The following MTPN variants were observed in gnomAD, a reference collection of about 807,000 sequenced individuals.
The protein encoded by MTPN is myotrophin, also known as granule cell differentiation protein.
In MTPN, 2 loss-of-function variants were observed where a neutral mutation model predicts 13.5. The ratio of observed to expected loss-of-function variants is 0.15; its 90% CI spans 0.06 to 0.47. The LOEUF (loss-of-function observed/expected upper bound fraction) is 0.47, where lower values mean the gene tolerates loss of function less well. MTPN is among the 20% of genes least tolerant of loss of function. The pLI is 0.97. For missense variants in MTPN, 79 were observed against 137.9 expected (o/e 0.57, Z 2.14); for synonymous variants, 46 against 51.7 (o/e 0.89, Z 0.48).
chr7:135,970,704 T>C (rs993062619), intron 1 of MTPN, among the ~76,000 whole-genome samples: 1 of 152,184 alleles, frequency 6.6e-6, no homozygotes, highest in African/African-American at 2.4e-5. Context: ...ATAGCCTATG[T>C]ACATCTGAAT....
intron 2 of MTPN, 32 bp downstream of exon 2, chr7:135,951,485 T>C (rs1799363243): frequency 6.7e-7 from 1 of 1,485,934 alleles, no homozygotes; most frequent in Non-Finnish European, 9.2e-7. Flanking sequence ...TAACAGAAAA[T>C]TTTTTCAAGA....
At chr7:135,940,998 C>T (rs911554477) in intron 3 of MTPN, among the ~76,000 whole-genome samples, 5 of 152,272 alleles carry the variant, frequency 3.3e-5, no homozygotes, top group African/African-American at 1.2e-4. Flanking sequence ...GCTGCTTTTG[C>T]ATCACAGTGG....
intron 3 of MTPN, among the ~76,000 whole-genome samples, chr7:135,931,185 T>C (rs1799015694): frequency 6.6e-6 from 1 of 152,130 alleles, no homozygotes; most frequent in Non-Finnish European, 1.5e-5. Context: ...AATATGCGCA[T>C]ACTGTGTAAA....
intron 1 of MTPN, among the ~76,000 whole-genome samples, chr7:135,960,357 A>C (rs1799502624): frequency 1.3e-5 from 2 of 152,184 alleles, no homozygotes; most frequent in Middle Eastern, 6.8e-3. Flanking sequence ...ATGTTTTTTT[A>C]AACAATGTAA....
intron 1 of MTPN, among the ~76,000 whole-genome samples, chr7:135,963,787 AT>A (rs1004758007): frequency 6.6e-6 from 1 of 151,900 alleles, no homozygotes; most frequent in South Asian, 2.1e-4. Flanking sequence ...CAACTTAGGC[AT>A]TTTTTTCTTT....
chr7:135,942,041 G>A (rs7796396), intron 3 of MTPN, among the ~76,000 whole-genome samples: 25,620 of 151,528 alleles, frequency 0.17, 2,559 homozygotes, highest in East Asian at 0.26. Flanking sequence ...CTGCCACCAC[G>A]CCCGGCTAAT....
At chr7:135,940,296 T>TA (rs1799189378) in intron 3 of MTPN, among the ~76,000 whole-genome samples, 1 of 152,220 alleles carries the variant, frequency 6.6e-6, no homozygotes, top group Non-Finnish European at 1.5e-5. Context: ...ATTATTCAAA[T>TA]ACCTACAATT....
chr7:135,975,119 G>T (rs1465399737), intron 1 of MTPN, among the ~76,000 whole-genome samples: 8 of 152,096 alleles, frequency 5.3e-5, no homozygotes, highest in Non-Finnish European at 1.0e-4. Flanking sequence ...ACAGGCTACG[G>T]TAGTAATATA....
intron 3 of MTPN, among the ~76,000 whole-genome samples, chr7:135,937,586 A>G (rs1488610078): frequency 6.6e-6 from 1 of 152,208 alleles, no homozygotes; most frequent in African/African-American, 2.4e-5. Flanking sequence ...TAAATTATCT[A>G]TAGATTACTT....
chr7:135,928,197 T>A lies in MTPN; in HGVS notation c.*1729A>T, dbSNP rs1484484745. The stretch of plus-strand genomic sequence containing the variant: ...TACAACAAAGTATTTAAACCACTAC[T>A]TTGTGATTGTTTTCTTGGATGTAGG... On this transcript the variant is annotated 3_prime_UTR_variant, in exon 4 of 4. Transcript: ENST00000393085. 1 of 167,376 alleles carries A rather than the reference T, an allele frequency of 6.0e-6. No individual in the cohort carries two copies. Among genetic ancestry groups the A allele is most frequent in the Admixed American group, 6.5e-5 (1 of 15,282 alleles). 10.4% of individuals were successfully genotyped at this position (167,376 alleles called of 1,614,324 possible).
intron 3 of MTPN, among the ~76,000 whole-genome samples, chr7:135,950,221 C>T (rs62489146): frequency 0.17 from 25,729 of 152,134 alleles, 2,570 homozygotes; most frequent in East Asian, 0.26. Flanking sequence ...GAAAATGAAA[C>T]ATATACATTT....
intron 1 of MTPN, among the ~76,000 whole-genome samples, chr7:135,957,046 T>A (rs1007126597): frequency 6.6e-6 from 1 of 152,202 alleles, no homozygotes; most frequent in Admixed American, 6.5e-5. Flanking sequence ...TTAAAACTCT[T>A]TCTTTTCATT....
chr7:135,939,604 G>A (rs1799176671), intron 3 of MTPN, among the ~76,000 whole-genome samples: 1 of 146,866 alleles, frequency 6.8e-6, no homozygotes, highest in Non-Finnish European at 1.5e-5. Context: ...GCGTGGGGCG[G>A]GTGCCCAGTG....
Position 135,977,280 on chromosome 7 carries a change from A to G in MTPN, c.-180T>C. 1.6e-6 allele frequency: 1 copy of G among 639,660 alleles called. No homozygotes were observed. The highest frequency in any genetic ancestry group is 2.7e-5 in the East Asian group (1 of 36,594). 39.6% of individuals were successfully genotyped at this position (639,660 alleles called of 1,614,324 possible). A position where few individuals can be genotyped will look rare whatever the true frequency, so the allele number is the denominator to read the frequency against. On this transcript the variant is annotated 5_prime_UTR_variant, in exon 1 of 4. Coordinates refer to ENST00000393085, the MANE Select transcript of MTPN (RefSeq NM_145808.4). ...TGGCCGCGGCGACCGTTCGGGCGGG[A>G]GAAAGAAAGTTCTTTTGCGGCCACC...
At chr7:135,940,710 C>G (rs13240143) in intron 3 of MTPN, among the ~76,000 whole-genome samples, 2,916 of 152,302 alleles carry the variant, frequency 0.019, 40 homozygotes, top group African/African-American at 0.038. Flanking sequence ...GCCTCTCCCC[C>G]CAAAATGTTA....
At chr7:135,966,911 T>C (rs989765045) in intron 1 of MTPN, among the ~76,000 whole-genome samples, 1 of 152,114 alleles carries the variant, frequency 6.6e-6, no homozygotes. Flanking sequence ...ATGACCCCTG[T>C]CAACAGAAAA....
At chr7:135,948,138 G>C (rs1799312207) in intron 3 of MTPN, among the ~76,000 whole-genome samples, 1 of 152,064 alleles carries the variant, frequency 6.6e-6, no homozygotes, top group African/African-American at 2.4e-5. Flanking sequence ...ACTTTTAAAA[G>C]ATGCACTGGA....
At chr7:135,946,680 C>G (rs1799293677) in intron 3 of MTPN, among the ~76,000 whole-genome samples, 2 of 152,276 alleles carry the variant, frequency 1.3e-5, no homozygotes, top group East Asian at 1.9e-4. Flanking sequence ...TTTTAAATAT[C>G]CTTTTCATTC....
At chr7:135,947,606 C>A (rs1007102080) in intron 3 of MTPN, among the ~76,000 whole-genome samples, 6 of 152,028 alleles carry the variant, frequency 3.9e-5, no homozygotes, top group African/African-American at 1.4e-4. Context: ...TTTTTACCTG[C>A]AGATATGTAC....
Sources: allele counts gnomAD v4.1 joint callset (sites outside exome capture counted in the v4.1 genomes callset), GRCh38; gene constraint gnomAD v4.1.1; transcripts MANE v1.5; gene names NCBI Gene and HGNC (gene_info 2026-07-23, HGNC 2026-07-21).